ZFHX3: variants seen among roughly 807,000 people sequenced by gnomAD.
The protein encoded by ZFHX3 is zinc finger homeobox protein 3.
ZFHX3 carries 42 observed loss-of-function variants against 279.1 expected under a neutral mutation model. The ratio of observed to expected loss-of-function variants is 0.15; its 90% CI spans 0.12 to 0.19. ZFHX3 has a LOEUF of 0.19. Among genes scored for constraint, ZFHX3 ranks in the 10% least tolerant of loss-of-function variants. The pLI is 1.00. For missense variants in ZFHX3, 4,981 were observed against 4,754.0 expected (o/e 1.05, Z -1.40); for synonymous variants, 2,293 against 1,957.8 (o/e 1.17, Z -4.52).
At chr16:72,803,029 G>T (rs911007181) in intron 7 of ZFHX3, among the ~76,000 whole-genome samples, 4 of 152,132 alleles carry the variant, frequency 2.6e-5, no homozygotes, top group Non-Finnish European at 4.4e-5. Context: ...CTGAAAATGG[G>T]AAAGTAATAA....
chr16:73,462,870 A>G (rs2018496161), intron 2 of ZFHX3, among the ~76,000 whole-genome samples: 1 of 152,152 alleles, frequency 6.6e-6, no homozygotes, highest in African/African-American at 2.4e-5. Flanking sequence ...ACTGGTCTGT[A>G]GTTTTCTTTT....
At chr16:72,942,861 G>A (rs1350958533) in intron 3 of ZFHX3, among the ~76,000 whole-genome samples, 1 of 152,148 alleles carries the variant, frequency 6.6e-6, no homozygotes, top group Non-Finnish European at 1.5e-5. Flanking sequence ...TTCAATGAAG[G>A]CAAACTAATC....
At chr16:73,575,934 C>T (rs1709349695) in intron 2 of ZFHX3, among the ~76,000 whole-genome samples, 1 of 152,134 alleles carries the variant, frequency 6.6e-6, no homozygotes, top group Admixed American at 6.5e-5. Context: ...GCAGGCTTTA[C>T]CATGGGAGAT....
chr16:73,143,819 T>TA, exon 6 of ZFHX3: 1 of 1,299,506 alleles, frequency 7.7e-7, no homozygotes, highest in Non-Finnish European at 1.0e-6. Context: ...GGTTGTAACT[T>TA]ATATCTTCCG....
chr16:73,460,669 G>C (rs1290034065), intron 2 of ZFHX3, among the ~76,000 whole-genome samples: 2 of 152,158 alleles, frequency 1.3e-5, no homozygotes, highest in Non-Finnish European at 2.9e-5. Context: ...ATCTCATGTT[G>C]AAATGTAATT....
At chr16:73,679,793 C>A (rs897876667) in intron 2 of ZFHX3, 1 of 152,156 alleles carries the variant, frequency 6.6e-6, no homozygotes, top group Non-Finnish European at 1.5e-5. Flanking sequence ...ACATTAAGCA[C>A]TGAAATTATC....
intron 4 of ZFHX3, among the ~76,000 whole-genome samples, chr16:73,317,251 C>T (rs891709343): frequency 3.7e-5 from 5 of 133,566 alleles, no homozygotes; most frequent in East Asian, 2.3e-4. Flanking sequence ...GTTCCAGGGC[C>T]GCTTTCCCTT....
At chr16:73,629,187 A>T (rs1252115240) in intron 2 of ZFHX3, among the ~76,000 whole-genome samples, 1 of 152,182 alleles carries the variant, frequency 6.6e-6, no homozygotes, top group Non-Finnish European at 1.5e-5. Context: ...GGCCGCTGAT[A>T]CGTAAATACT....
intron 2 of ZFHX3, among the ~76,000 whole-genome samples, chr16:73,613,472 A>T (rs1395773736): frequency 1.3e-5 from 2 of 151,664 alleles, no homozygotes; most frequent in East Asian, 3.9e-4. Flanking sequence ...GATGTGAGGC[A>T]GAAGTCTGAG....
intron 2 of ZFHX3, among the ~76,000 whole-genome samples, chr16:73,480,408 T>C (rs1439458032): frequency 6.6e-6 from 1 of 152,240 alleles, no homozygotes; most frequent in Non-Finnish European, 1.5e-5. Flanking sequence ...CCTTAGGTAA[T>C]GAACCTTGTT....
At chr16:73,459,923 A>G (rs1567490877) in intron 2 of ZFHX3, among the ~76,000 whole-genome samples, 1 of 152,206 alleles carries the variant, frequency 6.6e-6, no homozygotes, top group Non-Finnish European at 1.5e-5. Context: ...CCCTTGACAC[A>G]TGGTGATTAT....
chr16:73,674,459 A>G (rs148915922), intron 2 of ZFHX3, among the ~76,000 whole-genome samples: 4 of 152,340 alleles, frequency 2.6e-5, no homozygotes, highest in South Asian at 2.1e-4. Flanking sequence ...TTAAGTTTCA[A>G]TTTAATTGGC....
rs185768747 is a variant in ZFHX3 at position 73,852,521 on chromosome 16, G to T, written c.-1608+39130C>A. Among the ~76,000 whole-genome samples, 9 of 152,278 alleles carry T rather than the reference G, an allele frequency of 5.9e-5. No individual in the cohort carries two copies. The East Asian group carries it at 1.7e-3, about 29-fold the overall frequency. ...TATGTCTTTGCAGGATGGTAAAGAA[G>T]ATGTTAACAAAATGTTTGTTATTAA... On this transcript the variant is annotated intron_variant, in intron 1 of 17. Coordinates refer to the ZFHX3 transcript ENST00000641206.
chr16:73,831,718 G>T (rs2142358586), intron 1 of ZFHX3, among the ~76,000 whole-genome samples: 1 of 152,252 alleles, frequency 6.6e-6, no homozygotes, highest in East Asian at 1.9e-4. Flanking sequence ...ATTGGTCCTT[G>T]CATCCACAGG....
At chr16:73,257,644 G>A (rs2013696704) in intron 4 of ZFHX3, among the ~76,000 whole-genome samples, 1 of 152,328 alleles carries the variant, frequency 6.6e-6, no homozygotes, top group African/African-American at 2.4e-5. Flanking sequence ...ATTCAAGAAC[G>A]ATTTATGAAA....
intron 5 of ZFHX3, among the ~76,000 whole-genome samples, chr16:73,204,844 G>T (rs1370078398): frequency 6.6e-6 from 1 of 152,192 alleles, no homozygotes; most frequent in Non-Finnish European, 1.5e-5. Flanking sequence ...ATTTTAAAGA[G>T]GTTGAAAGTG....
chr16:73,488,523 C>T (rs147473489), intron 2 of ZFHX3, among the ~76,000 whole-genome samples: 1 of 152,256 alleles, frequency 6.6e-6, no homozygotes, highest in East Asian at 1.9e-4. Context: ...CGGATGGAAA[C>T]AACTGGCAGA....
At chr16:73,058,941 G>GGGAGGA (rs547025423) in exon 1 of ZFHX3, 3 of 170,084 alleles carry the variant, frequency 1.8e-5, no homozygotes, top group Admixed American at 6.5e-5. Context: ...GGCTGCGGCC[G>GGGAGGA]GGAGGAGGAG....
chr16:73,433,666 C>G (rs143666549), intron 3 of ZFHX3, among the ~76,000 whole-genome samples: 124 of 152,318 alleles, frequency 8.1e-4, no homozygotes, highest in African/African-American at 2.9e-3. Context: ...AAGCCTGCCA[C>G]TTTCTTTGCC....
Sources: allele counts gnomAD v4.1 joint callset (sites outside exome capture counted in the v4.1 genomes callset), GRCh38; gene constraint gnomAD v4.1.1; transcripts MANE v1.5; gene names NCBI Gene and HGNC (gene_info 2026-07-23, HGNC 2026-07-21).